Variants in IQCN observed in about 807,000 individuals in gnomAD.
IQCN encodes the protein IQ domain-containing protein N.
Under a neutral mutation model 64.4 loss-of-function variants are expected in IQCN, and 46 were observed. The observed-to-expected ratio is 0.71, with a 90% CI of 0.56 to 0.91. IQCN has a LOEUF of 0.91. Ranked by LOEUF, IQCN falls within the 40% of genes least tolerant of loss-of-function variation. The pLI, the probability that IQCN is intolerant of heterozygous loss-of-function variation, is 0.00. For missense variants in IQCN, 1,753 were observed against 1,857.4 expected (o/e 0.94, Z 1.03); for synonymous variants, 733 against 775.6 (o/e 0.95, Z 0.91).
In IQCN at chr19:18,264,084, G is replaced by C. The variant is rs1360886980; in HGVS notation, c.3177+279C>G. On this transcript the variant is annotated intron_variant, in intron 3 of 3. Coordinates refer to ENST00000392413, the MANE Select transcript of IQCN (RefSeq NM_001145304.2). This position sits in a 1 kb window ranked among gnomAD's most constrained non-coding sequence, Gnocchi z 4.3. ...TGTGCCAGGCTCCAGGGTCGGGCATGCTTCTTCCTTTTGGAACTTGGGGCT... is the reference window on the plus strand; with the variant it reads ...TGTGCCAGGCTCCAGGGTCGGGCATCCTTCTTCCTTTTGGAACTTGGGGCT... Among the ~76,000 whole-genome samples, 1 of 152,140 alleles carries C rather than the reference G, an allele frequency of 6.6e-6. No individual in the cohort carries two copies. Among genetic ancestry groups the C allele is most frequent in the Non-Finnish European group, 1.5e-5 (1 of 68,020 alleles).
chr19:18,269,412 C>A (rs747383779), intron 2 of IQCN, 54 bp downstream of exon 2: 22 of 1,586,086 alleles, frequency 1.4e-5, no homozygotes, highest in Non-Finnish European at 1.8e-5. Context: ...TGGCAGAAGC[C>A]CCTCTCTTCA....
rs905638716 is a variant in IQCN, at chr19:18,264,006, T to G, written c.3177+357A>C. 7.2e-5 allele frequency among the ~76,000 whole-genome samples: 11 copies of G among 152,136 alleles called. No individual in the cohort carries two copies. The highest frequency in any genetic ancestry group is 2.4e-4 in the African/African-American group (10 of 41,422). On this transcript the variant is annotated intron_variant, in intron 3 of 3. Transcript: ENST00000392413. The surrounding 1 kb of genome is among the most constrained non-coding windows in gnomAD (Gnocchi z 4.3). ...CGGGGGTGGCTGCATGTGGGACAGC[T>G]TGAGCAAACTGGGGCCCTCCCCACT...
Position 18,257,909 on chromosome 19 carries a change from A to G in IQCN, c.3375T>C (p.Arg1125=). 1 of 1,612,740 alleles carries G rather than the reference A, an allele frequency of 6.2e-7. No homozygotes were observed. The highest frequency in any genetic ancestry group is 8.5e-7 in the Non-Finnish European group (1 of 1,179,902). The change falls in exon 4 of 4, where the codon CGT becomes CGC. Residue 1125 remains arginine, a synonymous_variant. Transcript: ENST00000392413. ...GGATCCTGCGACGCGCCAGGTAGCC[A>G]CGGACGCCCGCCTGGATAGTGATCA... ...LAVITIQAGV[R]GYLARRRIRL...
At chr19:18,262,582 G>A (rs1013471700) in intron 3 of IQCN, 4 of 152,268 alleles carry the variant, frequency 2.6e-5, no homozygotes, top group African/African-American at 7.2e-5. Context: ...GGGTGTCCTC[G>A]GCTTGGGGAC....
At position 18,266,373 on chromosome 19, in the gene IQCN, T is replaced by G. The variant is rs1354214710; in HGVS notation, c.1167A>C (p.Lys389Asn). ...GCATGGGGCATGTGTGAGGTGCAGT[T>G]TTGGTCACTGTGGGCCCCGGATACA... ...AQMYPGPTVT[K>N]TAPHTCPMPT... The change falls in exon 3 of 4, where the codon AAA (lysine) becomes AAC (asparagine). Residue 389 changes from lysine to asparagine, a missense_variant. Physicochemically the swap from Lys to Asn is moderately conservative, Grantham distance 94. Coordinates refer to ENST00000392413, the MANE Select transcript of IQCN (RefSeq NM_001145304.2). The surrounding 1 kb of genome is among the most constrained non-coding windows in gnomAD (Gnocchi z 4.3). The G allele has an allele frequency of 1.2e-6, 2 of 1,608,578 alleles. No individual in the cohort carries two copies. The highest frequency in any genetic ancestry group is 1.3e-5 in the African/African-American group (1 of 74,240).
chr19:18,272,943 A>G (rs976038647), intron 1 of IQCN, among the ~76,000 whole-genome samples: 1 of 151,970 alleles, frequency 6.6e-6, no homozygotes, highest in East Asian at 1.9e-4. Flanking sequence ...AGACATAACG[A>G]AAGAAATTCC....
In IQCN at chr19:18,265,866, C is replaced by T. The variant is rs760244925; in HGVS notation, c.1674G>A (p.Val558=). ...CCACCTTTGCAGCCTGCTTCACATT[C>T]ACGGTGGCCTTGGCCTTGGGTGGGT... is the stretch of plus-strand genomic sequence containing the variant. The part of the protein sequence containing the change: ...HENPPKAKAT[V]NVKQAAKVVK... Residue 558 remains valine (V), a synonymous_variant, in exon 3 of 4, where the codon GTG becomes GTA. Transcript: ENST00000392413. This position sits in a 1 kb window ranked among gnomAD's most constrained non-coding sequence, Gnocchi z 4.7. 6.2e-7 allele frequency: 1 copy of T among 1,614,208 alleles called. No individual in the cohort carries two copies. Among genetic ancestry groups the T allele is most frequent in the Non-Finnish European group, 8.5e-7 (1 of 1,180,036 alleles).
In IQCN at chr19:18,264,305, G is replaced by GC. The variant is rs1969491959; in HGVS notation, c.3177+57dup. 5.1e-6 allele frequency: 7 copies of GC among 1,381,030 alleles called. No homozygotes were observed. The highest frequency in any genetic ancestry group is 5.7e-6 in the Non-Finnish European group (6 of 1,048,066). 85.5% of individuals were successfully genotyped at this position (1,381,030 alleles called of 1,614,324 possible). ...CATCAATCCCCCATCTCCTCCAAGG[G>GC]CCCGGCAGGTTGGCCCATGGTGAAA... On this transcript the variant is annotated intron_variant, in intron 3 of 3. Transcript: ENST00000392413. This position sits in a 1 kb window ranked among gnomAD's most constrained non-coding sequence, Gnocchi z 4.3.
At position 18,265,285 on chromosome 19, in the gene IQCN, A is replaced by T; in HGVS notation, c.2255T>A (p.Ile752Lys). The change falls in exon 3 of 4, where the codon ATA becomes AAA. Residue 752 changes from isoleucine to lysine, a missense_variant. Coordinates refer to ENST00000392413, the MANE Select transcript of IQCN (RefSeq NM_001145304.2). The surrounding 1 kb of genome is among the most constrained non-coding windows in gnomAD (Gnocchi z 4.7). ...GTGCGCTGGGATGAGGCACGTGGTT[A>T]TGTCTGTGATCGGCTGCCCCCGGGA... ...TQSRGQPITD[I>K]TTCLIPAHQA... 4 of 1,613,938 alleles carry T rather than the reference A, an allele frequency of 2.5e-6. No homozygotes were observed. The highest frequency in any genetic ancestry group is 3.4e-6 in the Non-Finnish European group (4 of 1,179,972).
In IQCN at chr19:18,266,901, G is replaced by A; in HGVS notation, c.639C>T (p.Pro213=). ...CRPQSSPLLQ[P]PAAQGTPEPC... is the part of the protein sequence containing the mutation. ...GCTCTGGGGTACCCTGAGCTGCTGG[G>A]GGCTGCAGGAGGGGGGACGACTGGG... is the stretch of plus-strand genomic sequence containing the variant. The change falls in exon 3 of 4, where the codon CCC becomes CCT. Residue 213 remains proline (P), a synonymous_variant. Coordinates refer to ENST00000392413, the MANE Select transcript of IQCN (RefSeq NM_001145304.2). This position sits in a 1 kb window ranked among gnomAD's most constrained non-coding sequence, Gnocchi z 4.3. 1 of 1,607,856 alleles carries A rather than the reference G, an allele frequency of 6.2e-7. No homozygotes were observed. The highest frequency in any genetic ancestry group is 8.5e-7 in the Non-Finnish European group (1 of 1,175,852).
In IQCN at chr19:18,264,337, C is replaced by T. The variant is rs1398573069; in HGVS notation, c.3177+26G>A. ...AGGTTGGCCCATGGTGAAACAACCC[C>T]AGATCCCAACCTGGGAATCCCTGAC... is the stretch of plus-strand genomic sequence containing the variant. On this transcript the variant is annotated intron_variant, in intron 3 of 3. Coordinates refer to ENST00000392413, the MANE Select transcript of IQCN (RefSeq NM_001145304.2). The surrounding 1 kb of genome is among the most constrained non-coding windows in gnomAD (Gnocchi z 4.3). 2 of 1,449,090 alleles carry T rather than the reference C, an allele frequency of 1.4e-6. No individual in the cohort carries two copies. Among genetic ancestry groups the T allele is most frequent in the Non-Finnish European group, 1.8e-6 (2 of 1,102,704 alleles). The allele number at this position is 1,449,090 out of a possible 1,614,324, so 89.8% of individuals were successfully genotyped here.
Position 18,266,349 on chromosome 19 carries a change from C to A in IQCN, c.1191G>T (p.Met397Ile). 6.2e-7 allele frequency: 1 copy of A among 1,612,186 alleles called. No individual in the cohort carries two copies. The highest frequency in any genetic ancestry group is 1.3e-5 in the African/African-American group (1 of 74,712). The change falls in exon 3 of 4, where the codon ATG becomes ATT. Residue 397 changes from methionine to isoleucine, a missense_variant. Coordinates refer to ENST00000392413, the MANE Select transcript of IQCN (RefSeq NM_001145304.2). This position sits in a 1 kb window ranked among gnomAD's most constrained non-coding sequence, Gnocchi z 4.3. ...GTACCTGGATCTTGGTCATTGTGGG[C>A]ATGGGGCATGTGTGAGGTGCAGTTT... ...VTKTAPHTCP[M>I]PTMTKIQVHP...
In IQCN at chr19:18,268,172, CTCTGTGTG is replaced by C. The variant is rs1969646571; in HGVS notation, c.14-654_14-647del. Among the ~76,000 whole-genome samples, 6 of 85,532 alleles carry C rather than the reference CTCTGTGTG, an allele frequency of 7.0e-5. No individual in the cohort carries two copies. The South Asian group carries it at 2.7e-3, about 38-fold the overall frequency. 56.1% of individuals were successfully genotyped at this position (85,532 alleles called of 152,430 possible). A position where few individuals can be genotyped will look rare whatever the true frequency, so the allele number is the denominator to read the frequency against. ...AATGTTTTGGAAATTTCCTGTTTGCCTCTGTGTGTGTGTGTGTGTGTGTGTGTGTGTGT... is the reference window on the plus strand; with the variant it reads ...AATGTTTTGGAAATTTCCTGTTTGCCTGTGTGTGTGTGTGTGTGTGTGTGT... On this transcript the variant is annotated intron_variant, in intron 2 of 3. Transcript: ENST00000392413.
At chr19:18,272,862 G>A (rs1012518072) in intron 1 of IQCN, among the ~76,000 whole-genome samples, 14 of 151,574 alleles carry the variant, frequency 9.2e-5, no homozygotes, top group African/African-American at 2.4e-4. Context: ...CGCCCACCTC[G>A]GCCTCCCAAA....
rs1413548341 is a variant in IQCN, at chr19:18,264,134, C to T, written c.3177+229G>A. On this transcript the variant is annotated intron_variant, in intron 3 of 3. Transcript: ENST00000392413. The surrounding 1 kb of genome is among the most constrained non-coding windows in gnomAD (Gnocchi z 4.3). ...TCAAATCCAGGTTTGAGGAGAAGTC[C>T]CTGCTGGACTCCATCATCTCCCGGG... 6.6e-6 allele frequency among the ~76,000 whole-genome samples: 1 copy of T among 152,172 alleles called. No individual in the cohort carries two copies. Among genetic ancestry groups the T allele is most frequent in the Non-Finnish European group, 1.5e-5 (1 of 68,014 alleles).
rs751904535 is a variant in IQCN at position 18,265,998 on chromosome 19, G to A, written c.1542C>T (p.Ile514=). 6.2e-7 allele frequency: 1 copy of A among 1,614,076 alleles called. No homozygotes were observed. The change falls in exon 3 of 4, where the codon ATC becomes ATT. Residue 514 remains isoleucine, a synonymous_variant. Coordinates refer to ENST00000392413, the MANE Select transcript of IQCN (RefSeq NM_001145304.2). This position sits in a 1 kb window ranked among gnomAD's most constrained non-coding sequence, Gnocchi z 4.7. ...TPAQLRSVAT[I]LKTLCLASPT... ...GAGAGGCCAGACACAGAGTCTTGAGGATGGTGGCCACCGAGCGTAACTGGG... is the reference window on the plus strand; with the variant it reads ...GAGAGGCCAGACACAGAGTCTTGAGAATGGTGGCCACCGAGCGTAACTGGG...
intron 2 of IQCN, 151 bp from the exon 3 acceptor site, chr19:18,267,677 A>T: frequency 1.0e-6 from 1 of 979,552 alleles, no homozygotes; most frequent in Admixed American, 3.4e-5. Context: ...CCCTCTCCCA[A>T]GTGGTCTTTG....
At position 18,267,542 on chromosome 19, in the gene IQCN, G is replaced by A; in HGVS notation, c.14-16C>T. 6.0e-6 allele frequency: 9 copies of A among 1,512,026 alleles called. No individual in the cohort carries two copies. The highest frequency in any genetic ancestry group is 7.9e-6 in the Non-Finnish European group (9 of 1,133,556). The allele number at this position is 1,512,026 out of a possible 1,614,324, so 93.7% of individuals were successfully genotyped here. On this transcript the variant is annotated splice_polypyrimidine_tract_variant and intron_variant, in intron 2 of 3. Coordinates refer to ENST00000392413, the MANE Select transcript of IQCN (RefSeq NM_001145304.2). ...TCAGCTCTGCCTGTGGGGGCGGCAG[G>A]GGGTGGTCAGGGTGTAGCAGGTCCT...
rs547174903 is a variant in IQCN, at chr19:18,273,143, T to C, written c.-110+1260A>G. On this transcript the variant is annotated intron_variant, in intron 1 of 3. Transcript: ENST00000392413. ...CCTCCCAGGTTCAAAGTGATTCTCC[T>C]GTCTCAGCCTCCCGAGTAGCTGGGA... Among the ~76,000 whole-genome samples the C allele has an allele frequency of 5.9e-5, 9 of 152,026 alleles. No individual in the cohort carries two copies. The South Asian group carries it at 1.9e-3, about 32-fold the overall frequency.
Sources: allele counts gnomAD v4.1 joint callset (sites outside exome capture counted in the v4.1 genomes callset), GRCh38; gene constraint gnomAD v4.1.1; non-coding constraint Gnocchi (gnomAD v3.1); transcripts MANE v1.5; gene names NCBI Gene and HGNC (gene_info 2026-07-23, HGNC 2026-07-21).